The following DLGAP1 variants were observed in gnomAD, a reference collection of about 807,000 sequenced individuals.
DLGAP1 encodes DLG associated protein 1, also known as disks large-associated protein 1.
A neutral mutation model predicts 90.8 loss-of-function variants in DLGAP1; 11 were observed. That is an observed-to-expected ratio of 0.12 (90% confidence interval 0.08 to 0.20). The LOEUF (loss-of-function observed/expected upper bound fraction) is 0.20, where lower values mean the gene tolerates loss of function less well. Among genes scored for constraint, DLGAP1 ranks in the 10% least tolerant of loss-of-function variants. The pLI is 1.00. For missense variants in DLGAP1, 1,050 were observed against 1,333.8 expected, an observed-to-expected ratio of 0.79 and a Z score of 3.31; for synonymous variants, 558 against 540.7, an observed-to-expected ratio of 1.03 and a Z score of -0.44.
At chr18:4,064,392 A>T (rs2075341566) in intron 2 of DLGAP1, among the ~76,000 whole-genome samples, 2 of 151,870 alleles carry the variant, frequency 1.3e-5, no homozygotes, top group Admixed American at 6.6e-5. Flanking sequence ...ACCATTCAAA[A>T]GATCAATGAA....
intron 1 of DLGAP1, among the ~76,000 whole-genome samples, chr18:4,445,288 T>G (rs377619792): frequency 7.7e-5 from 9 of 116,140 alleles, no homozygotes; most frequent in African/African-American, 2.0e-4. Context: ...AATAACTAAT[T>G]ACCAATCATC....
intron 2 of DLGAP1, among the ~76,000 whole-genome samples, chr18:4,135,444 T>C (rs184357474): frequency 2.0e-5 from 3 of 152,350 alleles, no homozygotes; most frequent in Admixed American, 1.3e-4. Context: ...TCAGACTATG[T>C]AATTCTTGCT....
intron 1 of DLGAP1, among the ~76,000 whole-genome samples, chr18:4,414,966 C>T (rs1771568870): frequency 6.6e-6 from 1 of 151,972 alleles, no homozygotes; most frequent in African/African-American, 2.4e-5. Flanking sequence ...TTCTACAGGA[C>T]TTTCAGTGAT....
chr18:4,428,120 T>C (rs909698438), intron 1 of DLGAP1, among the ~76,000 whole-genome samples: 5 of 152,210 alleles, frequency 3.3e-5, no homozygotes, highest in African/African-American at 1.2e-4. Flanking sequence ...AGTTTAAATC[T>C]GGGTCCCCCC....
In DLGAP1 at chr18:3,539,245, AT is replaced by A. The variant is rs140770147; in HGVS notation, c.2058-4631del. Among the ~76,000 whole-genome samples, 227 of 152,322 alleles carry A rather than the reference AT, an allele frequency of 1.5e-3. 1 individual carries two copies. The highest frequency in any genetic ancestry group is 5.3e-3 in the African/African-American group (222 of 41,578). On this transcript the variant is annotated intron_variant, in intron 9 of 12. Transcript: ENST00000315677. Reference sequence around the variant, plus strand: ...AACACAAAATGAGGTCCCTAGATTAATTTCTTTATTTTTTGAAAGAATTGAT... The same window carrying A: ...AACACAAAATGAGGTCCCTAGATTAATTCTTTATTTTTTGAAAGAATTGAT...
intron 7 of DLGAP1, among the ~76,000 whole-genome samples, chr18:3,627,200 A>G (rs566975945): frequency 1.3e-5 from 2 of 152,224 alleles, no homozygotes; most frequent in African/African-American, 4.8e-5. Context: ...TTGGCCTCCC[A>G]AAGTGCTAAG....
At chr18:3,844,618 G>A (rs111587191) in intron 4 of DLGAP1, among the ~76,000 whole-genome samples, 3 of 152,208 alleles carry the variant, frequency 2.0e-5, no homozygotes, top group Admixed American at 1.3e-4. Flanking sequence ...AATCATTGCC[G>A]CCATGGTGAA....
intron 3 of DLGAP1, among the ~76,000 whole-genome samples, chr18:3,905,323 C>T (rs929085779): frequency 5.4e-5 from 7 of 128,694 alleles, no homozygotes; most frequent in African/African-American, 8.8e-5. Flanking sequence ...ACCGAGATCA[C>T]GCCACTGCAC....
intron 2 of DLGAP1, among the ~76,000 whole-genome samples, chr18:4,016,003 T>C (rs1255367764): frequency 6.6e-6 from 1 of 152,218 alleles, no homozygotes; most frequent in Admixed American, 6.5e-5. Flanking sequence ...TTCTCCTTCC[T>C]TTGGCTTCAG....
intron 1 of DLGAP1, among the ~76,000 whole-genome samples, chr18:4,222,698 GGTGTTTCCCTATAGGGAA>G (rs370614633): frequency 0.015 from 2,231 of 151,642 alleles, 25 homozygotes; most frequent in Middle Eastern, 0.044. Context: ...TTTTGCCAGT[GGTGTTTCCCTATAGGGAA>G]TTCCAAAAGA....
chr18:4,015,283 G>A (rs181096520), intron 2 of DLGAP1, among the ~76,000 whole-genome samples: 179 of 152,218 alleles, frequency 1.2e-3, no homozygotes, highest in African/African-American at 4.2e-3. Context: ...TTCAGTTTTT[G>A]CCATCTCTAA....
At chr18:4,237,139 C>T (rs1452884429) in intron 1 of DLGAP1, among the ~76,000 whole-genome samples, 1 of 152,190 alleles carries the variant, frequency 6.6e-6, no homozygotes, top group Non-Finnish European at 1.5e-5. Flanking sequence ...GTGTGCCTTT[C>T]TGTTACTAAT....
At chr18:3,972,615 G>T (rs2073477668) in intron 3 of DLGAP1, among the ~76,000 whole-genome samples, 1 of 152,110 alleles carries the variant, frequency 6.6e-6, no homozygotes, top group African/African-American at 2.4e-5. Flanking sequence ...ACTAGATTCA[G>T]TCCCTGGCAT....
chr18:3,648,328 G>T (rs2059189861), intron 7 of DLGAP1, among the ~76,000 whole-genome samples: 1 of 152,150 alleles, frequency 6.6e-6, no homozygotes, highest in Admixed American at 6.5e-5. Flanking sequence ...CAAAACCGTT[G>T]TATATACAGC....
At chr18:3,795,674 G>A (rs2065957260) in intron 5 of DLGAP1, among the ~76,000 whole-genome samples, 1 of 151,666 alleles carries the variant, frequency 6.6e-6, no homozygotes. Flanking sequence ...TAGAGATGAG[G>A]GTCTCACTAT....
intron 2 of DLGAP1, among the ~76,000 whole-genome samples, chr18:4,012,248 G>A (rs2074437714): frequency 6.6e-6 from 1 of 152,134 alleles, no homozygotes; most frequent in African/African-American, 2.4e-5. Context: ...ACATCTGCTT[G>A]TTATACGCCT....
At chr18:3,634,109 T>C (rs2058612568) in intron 7 of DLGAP1, among the ~76,000 whole-genome samples, 3 of 152,100 alleles carry the variant, frequency 2.0e-5, no homozygotes, top group Non-Finnish European at 4.4e-5. Context: ...TTTTGGACAA[T>C]GTGGCTGGAT....
chr18:3,555,810 C>CA (rs1181887247), intron 9 of DLGAP1, among the ~76,000 whole-genome samples: 12 of 151,246 alleles, frequency 7.9e-5, no homozygotes, highest in African/African-American at 2.9e-4. Context: ...AACTCCGTCT[C>CA]AAAAAAAATA....
At chr18:3,632,554 C>T (rs929979570) in intron 7 of DLGAP1, among the ~76,000 whole-genome samples, 5 of 152,122 alleles carry the variant, frequency 3.3e-5, no homozygotes, top group Non-Finnish European at 7.4e-5. Context: ...CTGCCTGCCT[C>T]GGCCTCCCAA....
Sources: allele counts gnomAD v4.1 joint callset (sites outside exome capture counted in the v4.1 genomes callset), GRCh38; gene constraint gnomAD v4.1.1; transcripts MANE v1.5; gene names NCBI Gene and HGNC (gene_info 2026-07-23, HGNC 2026-07-21).